Variants in PAXBP1 observed in about 807,000 individuals in gnomAD.
The protein encoded by PAXBP1 is PAX3 and PAX7 binding protein 1, also known as PAX3- and PAX7-binding protein 1.
PAXBP1 carries 44 observed loss-of-function variants against 119.9 expected under a neutral mutation model. That is an observed-to-expected ratio of 0.37 (90% CI 0.29 to 0.47). PAXBP1 has a LOEUF of 0.47. Ranked by LOEUF, PAXBP1 falls within the 20% of genes least tolerant of loss-of-function variation. The probability of loss-of-function intolerance (pLI) is 0.99; values close to 1 mark genes in which losing one functional copy is unlikely to be tolerated. For missense variants in PAXBP1, 898 were observed against 1,134.1 expected, an observed-to-expected ratio of 0.79 and a Z score of 2.99; for synonymous variants, 393 against 406.6, an observed-to-expected ratio of 0.97 and a Z score of 0.40.
rs1287489728 is a variant in PAXBP1 at position 32,755,981 on chromosome 21, G to T, written c.1384-628C>A. The T allele has an allele frequency of 1.4e-5, 3 of 208,828 alleles. No individual in the cohort carries two copies. In the Admixed American group the frequency reaches 1.6e-4, roughly 11 times the overall value. The allele number at this position is 208,828 out of a possible 1,614,324, so 12.9% of individuals were successfully genotyped here. A position where few individuals can be genotyped will look rare whatever the true frequency, so the allele number is the denominator to read the frequency against. ...ATTTCCAGCTATCACTAACCTCTCT[G>T]AACTCAATATATCTCAAATTTAAAA... On this transcript the variant is annotated intron_variant, in intron 7 of 17. Coordinates refer to ENST00000331923, the MANE Select transcript of PAXBP1 (RefSeq NM_016631.4).
At chr21:32,749,499 T>C (rs1368718685) in intron 10 of PAXBP1, among the ~76,000 whole-genome samples, 1 of 152,094 alleles carries the variant, frequency 6.6e-6, no homozygotes, top group Non-Finnish European at 1.5e-5. Flanking sequence ...CAACCAAGAA[T>C]AAGATACTCT....
Position 32,734,686 on chromosome 21 carries a change from T to G in PAXBP1, c.*264A>C, listed in dbSNP as rs950027523. On this transcript the variant is annotated 3_prime_UTR_variant, in exon 18 of 18. Coordinates refer to ENST00000331923, the MANE Select transcript of PAXBP1 (RefSeq NM_016631.4). ...ACATCGTTTACAGGGGACAATTAAC[T>G]GAGAGGGTTAATTTAAATGACCATA... 11 of 457,518 alleles carry G rather than the reference T, an allele frequency of 2.4e-5. No homozygotes were observed. The highest frequency in any genetic ancestry group is 1.6e-4 in the African/African-American group (8 of 50,436). 28.3% of individuals were successfully genotyped at this position (457,518 alleles called of 1,614,324 possible).
At position 32,743,669 on chromosome 21, in the gene PAXBP1, G is replaced by A. The variant is rs757832473; in HGVS notation, c.2267+9C>T. On this transcript the variant is annotated intron_variant, in intron 14 of 17. Transcript: ENST00000331923. ...AATATTATCTTTAATGTTCTTCAGA[G>A]TTACTTACTTTTTGGGATATAAGGG... 3 of 1,537,382 alleles carry A rather than the reference G, an allele frequency of 2.0e-6. No individual in the cohort carries two copies. The highest frequency in any genetic ancestry group is 2.7e-6 in the Non-Finnish European group (3 of 1,116,290).
intron 7 of PAXBP1, among the ~76,000 whole-genome samples, chr21:32,757,444 A>C (rs1031930623): frequency 4.6e-5 from 7 of 152,184 alleles, no homozygotes; most frequent in African/African-American, 1.7e-4. Context: ...TCACTGTATA[A>C]GGTTTAAGAT....
chr21:32,761,918 G>C (rs2044154706), intron 4 of PAXBP1, among the ~76,000 whole-genome samples, 178 bp downstream of exon 4: 1 of 152,220 alleles, frequency 6.6e-6, no homozygotes, highest in East Asian at 1.9e-4. Flanking sequence ...CACACCTGTA[G>C]TCCCAGCTAC....
At chr21:32,737,876 A>G (rs1162904833) in intron 16 of PAXBP1, among the ~76,000 whole-genome samples, 6 of 152,234 alleles carry the variant, frequency 3.9e-5, no homozygotes, top group Admixed American at 3.9e-4. Context: ...TTAAGATAAT[A>G]AGGTTATTAT....
In PAXBP1 at chr21:32,769,826, A is replaced by G; in HGVS notation, c.460T>C (p.Ser154Pro). The G allele has an allele frequency of 1.2e-6, 2 of 1,600,340 alleles. No individual in the cohort carries two copies. Among genetic ancestry groups the G allele is most frequent in the Non-Finnish European group, 1.7e-6 (2 of 1,176,666 alleles). ...EKSKIKTELN[S>P]SAESEQPLDK... is the part of the protein sequence containing the mutation. The stretch of plus-strand genomic sequence containing the variant: ...GTTTGGTACTTACTTTCAGCTGATG[A>G]GTTGAGTTCTGTCTTAATCTTCGAT... The change falls in exon 2 of 18, where the codon TCA (serine) becomes CCA (proline). Residue 154 changes from serine (S) to proline (P), a missense_variant. Transcript: ENST00000331923.
chr21:32,756,218 G>A, intron 7 of PAXBP1: 2 of 502,030 alleles, frequency 4.0e-6, no homozygotes, highest in Admixed American at 2.4e-5. Flanking sequence ...CAAATGCTAT[G>A]AGACTTTCAC....
At position 32,769,808 on chromosome 21, in the gene PAXBP1, A is replaced by G. The variant is rs1156857693; in HGVS notation, c.472+6T>C. The G allele has an allele frequency of 6.2e-7, 1 of 1,601,176 alleles. No individual in the cohort carries two copies. The highest frequency in any genetic ancestry group is 2.2e-5 in the East Asian group (1 of 44,552). ...TTCAAAAGAATTCAATTAGTTTGGT[A>G]CTTACTTTCAGCTGATGAGTTGAGT... is the stretch of plus-strand genomic sequence containing the variant. On this transcript the variant is annotated splice_donor_region_variant and intron_variant, in intron 2 of 17. Coordinates refer to ENST00000331923, the MANE Select transcript of PAXBP1 (RefSeq NM_016631.4).
intron 2 of PAXBP1, among the ~76,000 whole-genome samples, chr21:32,765,247 T>C (rs1262447881): frequency 2.6e-5 from 4 of 152,202 alleles, no homozygotes; most frequent in Non-Finnish European, 5.9e-5. Context: ...ATGGCCACAT[T>C]GTGCCATCTG....
intron 12 of PAXBP1, among the ~76,000 whole-genome samples, 193 bp from the exon 13 acceptor site, chr21:32,745,106 A>G (rs1192508647): frequency 1.3e-5 from 2 of 152,192 alleles, no homozygotes; most frequent in East Asian, 3.8e-4. Context: ...GATTATTCTT[A>G]TTTCTGGTAC....
intron 15 of PAXBP1, among the ~76,000 whole-genome samples, chr21:32,739,070 G>C (rs539009336): frequency 2.6e-5 from 4 of 152,204 alleles, no homozygotes; most frequent in African/African-American, 7.2e-5. Flanking sequence ...CAGTGATTAT[G>C]AGCAAGAGCA....
chr21:32,759,345 A>G, intron 6 of PAXBP1, 76 bp from the exon 7 acceptor site: 1 of 1,325,942 alleles, frequency 7.5e-7, no homozygotes, highest in South Asian at 1.4e-5. Flanking sequence ...GCAATATTAA[A>G]ATATGCATTT....
At chr21:32,768,796 C>T (rs943876050) in intron 2 of PAXBP1, among the ~76,000 whole-genome samples, 4 of 152,238 alleles carry the variant, frequency 2.6e-5, no homozygotes, top group Non-Finnish European at 5.9e-5. Flanking sequence ...GTATCTTTCA[C>T]ATGAAACTTC....
chr21:32,759,164 A>G lies in PAXBP1; in HGVS notation c.1299T>C (p.Ser433=). Residue 433 remains serine, a synonymous_variant, in exon 7 of 18, where the codon TCT becomes TCC. Coordinates refer to ENST00000331923, the MANE Select transcript of PAXBP1 (RefSeq NM_016631.4). ...TATACCGTTCACCAATACCCCCAGA[A>G]GACCCTTCTAATCTTTCAATAGCCC... ...STRAIERLEG[S]SGGIGERYKF... The G allele has an allele frequency of 1.9e-6, 3 of 1,614,078 alleles. No homozygotes were observed. Among genetic ancestry groups the G allele is most frequent in the East Asian group, 2.2e-5 (1 of 44,872 alleles).
chr21:32,766,112 G>T (rs991209503), intron 2 of PAXBP1, among the ~76,000 whole-genome samples: 1 of 152,170 alleles, frequency 6.6e-6, no homozygotes, highest in African/African-American at 2.4e-5. Flanking sequence ...TCCAGCCTGA[G>T]CAACAGAACG....
chr21:32,734,556 G>A lies in PAXBP1; in HGVS notation c.*394C>T, dbSNP rs2043665752. Reference sequence around the variant, plus strand: ...ATTTGCTACCGGATAATTTTCTGCTGTTAAAAGGCTTCCTCTGTGGAAAAA... The same window carrying A: ...ATTTGCTACCGGATAATTTTCTGCTATTAAAAGGCTTCCTCTGTGGAAAAA... On this transcript the variant is annotated 3_prime_UTR_variant, in exon 18 of 18. Transcript: ENST00000331923. 5.1e-6 allele frequency: 1 copy of A among 196,676 alleles called. No homozygotes were observed. The highest frequency in any genetic ancestry group is 2.4e-5 in the African/African-American group (1 of 41,840). The allele number at this position is 196,676 out of a possible 1,614,324, so 12.2% of individuals were successfully genotyped here. A position where few individuals can be genotyped will look rare whatever the true frequency, so the allele number is the denominator to read the frequency against.
chr21:32,751,199 T>G lies in PAXBP1; in HGVS notation c.1527A>C (p.Pro509=). The stretch of plus-strand genomic sequence containing the variant: ...GATCGCGTCCAAAGGAGTCAAGATT[T>G]GGTGCCATCAGAGCTTTGTCTGCAA... The part of the protein sequence containing the change: ...SSHSNKALMA[P]NLDSFGRDRA... The change falls in exon 9 of 18, where the codon CCA becomes CCC. Residue 509 remains proline (P), a synonymous_variant. Coordinates refer to ENST00000331923, the MANE Select transcript of PAXBP1 (RefSeq NM_016631.4). The G allele has an allele frequency of 6.2e-7, 1 of 1,614,150 alleles. No individual in the cohort carries two copies.
At chr21:32,758,724 A>T (rs911390298) in intron 7 of PAXBP1, among the ~76,000 whole-genome samples, 2 of 152,048 alleles carry the variant, frequency 1.3e-5, no homozygotes, top group Non-Finnish European at 2.9e-5. Context: ...AAACGTTTAA[A>T]AATAAGTTTA....
Sources: gnomAD v4.1 joint callset for allele counts (sites outside exome capture counted in the v4.1 genomes callset) on GRCh38, gnomAD v4.1.1 for gene constraint, MANE v1.5 for transcripts, NCBI Gene and HGNC (gene_info 2026-07-23, HGNC 2026-07-21) for gene names.